The following TTLL4 variants were observed in gnomAD, a reference collection of about 807,000 sequenced individuals.
TTLL4 encodes tubulin tyrosine ligase like 4, also known as tubulin monoglutamylase TTLL4.
In TTLL4, 85 loss-of-function variants were observed where a neutral mutation model predicts 122.7. The ratio of observed to expected loss-of-function variants is 0.69; its 90% CI spans 0.58 to 0.83. The LOEUF is 0.83. Among genes scored for constraint, TTLL4 ranks in the 40% least tolerant of loss-of-function variants. TTLL4 has a pLI of 0.00. For missense variants in TTLL4, 1,363 were observed against 1,488.6 expected, an observed-to-expected ratio of 0.92 and a Z score of 1.39; for synonymous variants, 553 against 563.0, an observed-to-expected ratio of 0.98 and a Z score of 0.25.
At chr2:218,715,543 T>A (rs1941831736) in intron 1 of TTLL4, among the ~76,000 whole-genome samples, 1 of 152,222 alleles carries the variant, frequency 6.6e-6, no homozygotes, top group Non-Finnish European at 1.5e-5. Context: ...ATAATGAGTA[T>A]TCTCTGCAGT....
In TTLL4 at chr2:218,727,326, G is replaced by A. The variant is rs1422455664; in HGVS notation, c.-120G>A. The stretch of plus-strand genomic sequence containing the variant: ...TCTGCTTGATCCATTGTGCTGTTGA[G>A]AGCCTCTAGTAAATTTTTCAGGTAA... On this transcript the variant is annotated 5_prime_UTR_variant, in exon 2 of 20. Transcript: ENST00000392102. The A allele has an allele frequency of 6.6e-6, 1 of 152,056 alleles. No individual in the cohort carries two copies. The highest frequency in any genetic ancestry group is 1.5e-5 in the Non-Finnish European group (1 of 68,018). 9.4% of individuals were successfully genotyped at this position (152,056 alleles called of 1,614,324 possible).
chr2:218,745,385 G>A, intron 6 of TTLL4, 152 bp downstream of exon 6: 1 of 1,000,746 alleles, frequency 1.0e-6, no homozygotes. Flanking sequence ...GTGGTCGTAG[G>A]TCTGATGCAA....
rs1559365827 is a variant in TTLL4, at chr2:218,737,668, G to T, written c.-9G>T. On this transcript the variant is annotated 5_prime_UTR_variant, in exon 3 of 20. Coordinates refer to ENST00000392102, the MANE Select transcript of TTLL4 (RefSeq NM_014640.5). ...CCATGAGACCGTGTGGCCATGATGT[G>T]GGCCCCTCATGGCCTCAGCAGGAAC... The T allele has an allele frequency of 1.3e-6, 2 of 1,574,056 alleles. No individual in the cohort carries two copies. Among genetic ancestry groups the T allele is most frequent in the Admixed American group, 1.8e-5 (1 of 55,436 alleles).
chr2:218,721,239 T>C (rs532708700), intron 1 of TTLL4, among the ~76,000 whole-genome samples: 5,376 of 44,200 alleles, frequency 0.12, 304 homozygotes, highest in African/African-American at 0.48. Context: ...TACCCCCAAT[T>C]AATTAATTAA....
At chr2:218,758,382 C>G (rs541787478), downstream of TTLL4, among the ~76,000 whole-genome samples, 18 of 152,132 alleles carry the variant, frequency 1.2e-4, no homozygotes, top group Non-Finnish European at 2.6e-4. Context: ...AAGCACCTAA[C>G]AAGGTGCCTG....
At chr2:218,737,269 A>G (rs2106430962) in intron 2 of TTLL4, among the ~76,000 whole-genome samples, 1 of 152,182 alleles carries the variant, frequency 6.6e-6, no homozygotes, top group African/African-American at 2.4e-5. Context: ...AGAAAGATGT[A>G]TTTTTTGTTG....
intron 5 of TTLL4, 80 bp downstream of exon 5, chr2:218,740,664 C>A: frequency 6.6e-7 from 1 of 1,506,434 alleles, no homozygotes; most frequent in South Asian, 1.1e-5. Context: ...CCACTCAAGT[C>A]ATTAATGGCC....
chr2:218,748,354 T>G, intron 12 of TTLL4, 127 bp downstream of exon 12: 1 of 1,402,626 alleles, frequency 7.1e-7, no homozygotes, highest in South Asian at 1.4e-5. Context: ...ACTTACCAAT[T>G]CAGAATTGGT....
chr2:218,722,959 T>C (rs768895410), intron 1 of TTLL4, among the ~76,000 whole-genome samples: 2 of 152,232 alleles, frequency 1.3e-5, no homozygotes, highest in Non-Finnish European at 2.9e-5. Context: ...TGGAGGCCTG[T>C]CCAGGGACTA....
chr2:218,750,179 C>A, intron 15 of TTLL4, 33 bp downstream of exon 15: 1 of 1,608,176 alleles, frequency 6.2e-7, no homozygotes, highest in Non-Finnish European at 8.5e-7. Context: ...GCTCTGCTGG[C>A]AGCATGAGTA....
chr2:218,747,997 G>A lies in TTLL4; in HGVS notation c.2379-108G>A. Reference sequence around the variant, plus strand: ...TCTCAGGCTCTTGTGGCTATGAAAAGATCTGTGTACTTGTTCTACACCTCT... The same window carrying A: ...TCTCAGGCTCTTGTGGCTATGAAAAAATCTGTGTACTTGTTCTACACCTCT... On this transcript the variant is annotated intron_variant, in intron 11 of 19. Transcript: ENST00000392102. The surrounding 1 kb of genome is among the most constrained non-coding windows in gnomAD (Gnocchi z 4.7). 1.4e-6 allele frequency: 2 copies of A among 1,450,652 alleles called. No homozygotes were observed. Among genetic ancestry groups the A allele is most frequent in the East Asian group, 4.6e-5 (2 of 43,920 alleles). The allele number at this position is 1,450,652 out of a possible 1,614,324, so 89.9% of individuals were successfully genotyped here.
Position 218,747,423 on chromosome 2 carries a change from C to T in TTLL4, c.2249+51C>T, listed in dbSNP as rs760874222. ...CCCCATCCTCCCACCTCCTTGGCCT[C>T]GAGGTTCCCTTCTTACAATGTTCTG... is the stretch of plus-strand genomic sequence containing the variant. On this transcript the variant is annotated intron_variant, in intron 10 of 19. Transcript: ENST00000392102. The surrounding 1 kb of genome is among the most constrained non-coding windows in gnomAD (Gnocchi z 4.7). 21 of 1,598,174 alleles carry T rather than the reference C, an allele frequency of 1.3e-5. No individual in the cohort carries two copies. The highest frequency in any genetic ancestry group is 6.7e-5 in the South Asian group (6 of 89,852).
intron 1 of TTLL4, among the ~76,000 whole-genome samples, chr2:218,722,168 G>T (rs754574186): frequency 6.6e-6 from 1 of 152,070 alleles, no homozygotes; most frequent in Non-Finnish European, 1.5e-5. Flanking sequence ...AGTAGTTCCA[G>T]CTCCTTGGGA....
intron 5 of TTLL4, among the ~76,000 whole-genome samples, chr2:218,744,520 T>G (rs1244487140): frequency 6.6e-6 from 1 of 152,164 alleles, no homozygotes; most frequent in Non-Finnish European, 1.5e-5. Flanking sequence ...TCCCATACTG[T>G]TACATAAAAT....
intron 1 of TTLL4, among the ~76,000 whole-genome samples, chr2:218,721,723 C>T (rs894155911): frequency 6.6e-6 from 1 of 152,130 alleles, no homozygotes; most frequent in Non-Finnish European, 1.5e-5. Flanking sequence ...CCCTGATTAC[C>T]ATTCTAGGGC....
At chr2:218,745,862 G>A (rs1275584606) in intron 7 of TTLL4, 61 bp downstream of exon 7, 10 of 1,469,862 alleles carry the variant, frequency 6.8e-6, no homozygotes, top group East Asian at 2.3e-5. Context: ...GCTTTGCATA[G>A]GGGGAGAGCT....
intron 1 of TTLL4, among the ~76,000 whole-genome samples, chr2:218,726,482 G>A (rs1942197571): frequency 6.6e-6 from 1 of 151,822 alleles, no homozygotes; most frequent in Non-Finnish European, 1.5e-5. Context: ...TTTTTTTTCC[G>A]AGACAGAGTC....
chr2:218,758,888 C>G (rs541242943), downstream of TTLL4, among the ~76,000 whole-genome samples: 2 of 152,306 alleles, frequency 1.3e-5, no homozygotes, highest in South Asian at 4.1e-4. Context: ...ACCATATGTC[C>G]AACAATCAGT....
intron 2 of TTLL4, among the ~76,000 whole-genome samples, chr2:218,732,546 T>C (rs1575168342): frequency 6.6e-6 from 1 of 152,332 alleles, no homozygotes; most frequent in East Asian, 1.9e-4. Context: ...GAGTATGTGC[T>C]GTCGGTAGGG....
Sources: allele counts gnomAD v4.1 joint callset (sites outside exome capture counted in the v4.1 genomes callset), GRCh38; gene constraint gnomAD v4.1.1; non-coding constraint Gnocchi (gnomAD v3.1); transcripts MANE v1.5; gene names NCBI Gene and HGNC (gene_info 2026-07-23, HGNC 2026-07-21).